Variants in VWA3B observed in about 807,000 individuals in gnomAD.
VWA3B encodes von Willebrand factor A domain containing 3B.
A neutral mutation model predicts 158.3 loss-of-function variants in VWA3B; 138 were observed. That is an observed-to-expected ratio of 0.87 (90% CI 0.76 to 1.00). The LOEUF (loss-of-function observed/expected upper bound fraction) is 1.00. Ranked by LOEUF, VWA3B falls within the 50% of genes least tolerant of loss-of-function variation. The pLI is 0.00. For synonymous variants in VWA3B, 596 were observed against 587.3 expected (o/e 1.01, Z -0.21); for missense variants, 1,555 against 1,565.1 (o/e 0.99, Z 0.11).
rs145831263 is a variant in VWA3B at position 98,256,525 on chromosome 2, A to G, written c.2843+351A>G. ...TTAATGTAAAAACCTCATGTTTTTA[A>G]GGTTCACCCAGGTATCAGTACTACA... is the stretch of plus-strand genomic sequence containing the variant. On this transcript the variant is annotated intron_variant, in intron 21 of 27. Transcript: ENST00000477737. Among the ~76,000 whole-genome samples the G allele has an allele frequency of 8.1e-3, 1,233 of 152,258 alleles. 21 individuals are homozygous for G. Among genetic ancestry groups the G allele is most frequent in the African/African-American group, 0.028 (1,156 of 41,520 alleles).
chr2:98,129,188 G>C lies in VWA3B; in HGVS notation c.872+780G>C, dbSNP rs557678274. ...ACTCTGTTCTCACACGGTGGAGAGA[G>C]AGAGTGAGAGAGAGAGAGGAGAGAG... On this transcript the variant is annotated intron_variant, in intron 6 of 27. Transcript: ENST00000477737. 2.7e-5 allele frequency among the ~76,000 whole-genome samples: 4 copies of C among 150,866 alleles called. No homozygotes were observed. The East Asian group carries it at 7.8e-4, about 29-fold the overall frequency.
intron 7 of VWA3B, among the ~76,000 whole-genome samples, chr2:98,158,111 G>A (rs959519716): frequency 2.0e-5 from 3 of 152,132 alleles, no homozygotes; most frequent in Non-Finnish European, 4.4e-5. Context: ...CCTCTGAAGA[G>A]TTTCTTGTAA....
At chr2:98,163,310 C>G (rs1468305380) in intron 8 of VWA3B, among the ~76,000 whole-genome samples, 2 of 152,068 alleles carry the variant, frequency 1.3e-5, no homozygotes, top group Non-Finnish European at 2.9e-5. Context: ...GAGGCCGAGG[C>G]GGGTGGATCA....
intron 8 of VWA3B, among the ~76,000 whole-genome samples, chr2:98,168,492 G>T (rs1679298775): frequency 6.6e-6 from 1 of 151,908 alleles, no homozygotes; most frequent in Non-Finnish European, 1.5e-5. Flanking sequence ...GGAAAGTTTG[G>T]CCGGGACCTT....
At chr2:98,184,591 C>T (rs181106053) in intron 9 of VWA3B, among the ~76,000 whole-genome samples, 90 of 152,356 alleles carry the variant, frequency 5.9e-4, no homozygotes, top group African/African-American at 2.1e-3. Flanking sequence ...CCTTTTCTGA[C>T]CCCACTCCAC....
intron 14 of VWA3B, among the ~76,000 whole-genome samples, chr2:98,220,332 G>A (rs185893875): frequency 6.6e-6 from 1 of 152,214 alleles, no homozygotes; most frequent in Non-Finnish European, 1.5e-5. Context: ...TAAAGATGAT[G>A]CTAACTGCAT....
Position 98,255,182 on chromosome 2 carries a change from A to ATTTTTTT in VWA3B, c.2793-919_2793-913dup, listed in dbSNP as rs769708577. ...TCGCCCGCCACCACGCCCGGCTGAT[A>ATTTTTTT]TTTTTTTTTTTTTTTTTTTTTTTTT... On this transcript the variant is annotated intron_variant, in intron 20 of 27. Coordinates refer to ENST00000477737, the MANE Select transcript of VWA3B (RefSeq NM_144992.5). 9.6e-5 allele frequency among the ~76,000 whole-genome samples: 5 copies of ATTTTTTT among 52,164 alleles called. 1 individual carries two copies. Among genetic ancestry groups the ATTTTTTT allele is most frequent in the East Asian group, 7.5e-4 (1 of 1,326 alleles). The allele number at this position is 52,164 out of a possible 152,430, so 34.2% of individuals were successfully genotyped here.
chr2:98,240,146 A>G (rs1453807508), intron 19 of VWA3B, among the ~76,000 whole-genome samples: 4 of 152,190 alleles, frequency 2.6e-5, no homozygotes, highest in Non-Finnish European at 5.9e-5. Flanking sequence ...ATTTCCTTCC[A>G]ATCCTTTTTC....
intron 26 of VWA3B, among the ~76,000 whole-genome samples, chr2:98,311,448 C>T (rs973956263): frequency 6.6e-6 from 1 of 152,202 alleles, no homozygotes; most frequent in Non-Finnish European, 1.5e-5. Context: ...TGTACAAGCT[C>T]CAATACAGGG....
At chr2:98,181,308 C>G (rs1680562214) in intron 9 of VWA3B, 96 bp downstream of exon 9, 2 of 1,357,504 alleles carry the variant, frequency 1.5e-6, no homozygotes, top group South Asian at 2.7e-5. Context: ...GAAGGGGCAG[C>G]AGGGAGAGAA....
At chr2:98,251,437 C>T (rs1686794640) in intron 20 of VWA3B, among the ~76,000 whole-genome samples, 1 of 152,134 alleles carries the variant, frequency 6.6e-6, no homozygotes, top group Non-Finnish European at 1.5e-5. Flanking sequence ...TGTATCCTTG[C>T]TGAGACAGGA....
intron 22 of VWA3B, among the ~76,000 whole-genome samples, chr2:98,275,756 GC>G (rs1688485156): frequency 6.6e-6 from 1 of 152,250 alleles, no homozygotes; most frequent in African/African-American, 2.4e-5. Flanking sequence ...ATGTCTGAAA[GC>G]CATTTGACTT....
chr2:98,108,392 A>C (rs1173329292), intron 2 of VWA3B, among the ~76,000 whole-genome samples: 1 of 152,180 alleles, frequency 6.6e-6, no homozygotes, highest in Non-Finnish European at 1.5e-5. Flanking sequence ...GATGGTGTTG[A>C]GTATCCTTCC....
the VWA3B span, among the ~76,000 whole-genome samples, chr2:98,319,458 A>G: frequency 2.0e-5 from 3 of 152,248 alleles, no homozygotes; most frequent in Non-Finnish European, 4.4e-5. Flanking sequence ...AAATTCAATG[A>G]AAAAACTGAC....
chr2:98,168,494 C>T (rs1207412720), intron 8 of VWA3B, among the ~76,000 whole-genome samples: 12 of 151,806 alleles, frequency 7.9e-5, no homozygotes, highest in Admixed American at 2.0e-4. Context: ...AAAGTTTGGC[C>T]GGGACCTTTC....
intron 21 of VWA3B, among the ~76,000 whole-genome samples, chr2:98,261,040 A>T (rs1278372560): frequency 2.6e-4 from 40 of 151,846 alleles, no homozygotes; most frequent in Non-Finnish European, 4.4e-5. Flanking sequence ...GATTACCAAT[A>T]ATGAAGAATT....
chr2:98,155,030 C>A (rs1677940315), intron 7 of VWA3B, among the ~76,000 whole-genome samples: 1 of 152,184 alleles, frequency 6.6e-6, no homozygotes, highest in East Asian at 1.9e-4. Flanking sequence ...AAACATAGTT[C>A]TGTCCTCAAG....
At chr2:98,198,913 C>T (rs1048052113) in intron 12 of VWA3B, among the ~76,000 whole-genome samples, 18 of 151,944 alleles carry the variant, frequency 1.2e-4, no homozygotes, top group African/African-American at 3.4e-4. Flanking sequence ...GGTGAAACCC[C>T]GTCTCTACTA....
intron 5 of VWA3B, among the ~76,000 whole-genome samples, chr2:98,124,086 G>C (rs1049060048): frequency 3.3e-5 from 5 of 152,216 alleles, no homozygotes; most frequent in Admixed American, 3.3e-4. Context: ...TTCACTGCTG[G>C]ACTGAAAGCC....
Sources: gnomAD v4.1 joint callset for allele counts (sites outside exome capture counted in the v4.1 genomes callset) on GRCh38, gnomAD v4.1.1 for gene constraint, MANE v1.5 for transcripts, NCBI Gene and HGNC (gene_info 2026-07-23, HGNC 2026-07-21) for gene names.